The following FANCL variants were observed in gnomAD, a reference collection of about 807,000 sequenced individuals.
FANCL encodes the protein E3 ubiquitin-protein ligase FANCL.
FANCL carries 69 observed loss-of-function variants against 59.4 expected under a neutral mutation model. That is an observed-to-expected ratio of 1.16 (90% confidence interval 0.96 to 1.42). The LOEUF (loss-of-function observed/expected upper bound fraction) is 1.42, where lower values mean the gene tolerates loss of function less well. FANCL is among the 40% of genes most tolerant of loss of function. The pLI is 0.00. For synonymous variants in FANCL, 180 were observed against 147.1 expected, an observed-to-expected ratio of 1.22 and a Z score of -1.62; for missense variants, 519 against 447.2, an observed-to-expected ratio of 1.16 and a Z score of -1.45.
At position 58,238,172 on chromosome 2, in the gene FANCL, T is replaced by C. The variant is rs547725823; in HGVS notation, c.96+3046A>G. ...CATTATGGGATTTTTTGTGATTTTTTTTTAGCTTATCAGCTATCATTAGTG... is the reference window on the plus strand; with the variant it reads ...CATTATGGGATTTTTTGTGATTTTTCTTTAGCTTATCAGCTATCATTAGTG... On this transcript the variant is annotated intron_variant, in intron 1 of 13. Transcript: ENST00000233741. Among the ~76,000 whole-genome samples the C allele has an allele frequency of 7.2e-5, 11 of 152,338 alleles. No individual in the cohort carries two copies. The South Asian group carries it at 1.4e-3, about 20-fold the overall frequency.
At chr2:58,237,558 A>G (rs1332344718) in intron 1 of FANCL, among the ~76,000 whole-genome samples, 1 of 152,104 alleles carries the variant, frequency 6.6e-6, no homozygotes, top group African/African-American at 2.4e-5. Flanking sequence ...AGGAAACTTA[A>G]GATCAGAAAA....
chr2:58,218,220 C>A (rs1351651692), intron 5 of FANCL, among the ~76,000 whole-genome samples: 2 of 151,584 alleles, frequency 1.3e-5, no homozygotes, highest in Non-Finnish European at 2.9e-5. Flanking sequence ...GTAAGATAAA[C>A]TGGAAAAAAA....
chr2:58,237,866 G>C (rs1694165573), intron 1 of FANCL, among the ~76,000 whole-genome samples: 1 of 152,128 alleles, frequency 6.6e-6, no homozygotes, highest in Admixed American at 6.6e-5. Flanking sequence ...CAGAGACTAA[G>C]AGATTAAAGA....
At chr2:58,202,360 C>A (rs1690127385) in intron 6 of FANCL, among the ~76,000 whole-genome samples, 1 of 149,080 alleles carries the variant, frequency 6.7e-6, no homozygotes, top group African/African-American at 2.5e-5. Context: ...TGTCCAAATT[C>A]ACAATCTAGA....
At chr2:58,204,427 C>CAT (rs1408161387) in intron 5 of FANCL, among the ~76,000 whole-genome samples, 1 of 152,100 alleles carries the variant, frequency 6.6e-6, no homozygotes, top group Non-Finnish European at 1.5e-5. Flanking sequence ...TTAATGCAGT[C>CAT]ATATATCTCT....
chr2:58,223,558 C>T (rs758619310), intron 4 of FANCL, among the ~76,000 whole-genome samples: 1 of 151,820 alleles, frequency 6.6e-6, no homozygotes, highest in Non-Finnish European at 1.5e-5. Context: ...ACTGTAGAAC[C>T]GTAACAGCTA....
intron 6 of FANCL, among the ~76,000 whole-genome samples, chr2:58,202,387 TAAAA>T (rs202212067): frequency 1.4e-5 from 2 of 145,968 alleles, no homozygotes; most frequent in Non-Finnish European, 3.0e-5. Context: ...TTTTTTTTCC[TAAAA>T]AAAAAAATTA....
intron 7 of FANCL, among the ~76,000 whole-genome samples, chr2:58,169,806 G>C (rs1245079087): frequency 6.6e-6 from 1 of 151,914 alleles, no homozygotes; most frequent in Non-Finnish European, 1.5e-5. Context: ...GGATATCAGA[G>C]ATTTAAGATC....
At chr2:58,192,509 A>G (rs928468876) in intron 7 of FANCL, among the ~76,000 whole-genome samples, 3 of 151,958 alleles carry the variant, frequency 2.0e-5, no homozygotes, top group African/African-American at 7.2e-5. Flanking sequence ...AGGAAAATTA[A>G]TCACCGTTAA....
rs185471629 is a variant in FANCL at position 58,229,935 on chromosome 2, T to C, written c.156-61A>G. On this transcript the variant is annotated intron_variant, in intron 2 of 13. Transcript: ENST00000233741. Reference sequence around the variant, plus strand: ...GTTCAGAATTAAAAACTTATTTGTATGCTAACACAAACATGCATGTACATA... The same window carrying C: ...GTTCAGAATTAAAAACTTATTTGTACGCTAACACAAACATGCATGTACATA... 2.9e-5 allele frequency: 35 copies of C among 1,187,960 alleles called. No homozygotes were observed. In the Admixed American group the frequency reaches 5.1e-4, roughly 17 times the overall value. The allele number at this position is 1,187,960 out of a possible 1,614,324, so 73.6% of individuals were successfully genotyped here. A position where few individuals can be genotyped will look rare whatever the true frequency, so the allele number is the denominator to read the frequency against.
chr2:58,204,531 G>T (rs1483014564), intron 5 of FANCL, among the ~76,000 whole-genome samples: 1 of 152,074 alleles, frequency 6.6e-6, no homozygotes, highest in Non-Finnish European at 1.5e-5. Flanking sequence ...CACACAGCAT[G>T]TTCCTGTCAG....
At position 58,226,769 on chromosome 2, in the gene FANCL, G is replaced by A. The variant is rs1693047564; in HGVS notation, c.232C>T (p.Pro78Ser). ...TCCATCATAAAGCTCATTAGATCAG[G>A]AGAGTGCTGCATTCTCTAGATCAAA... is the stretch of plus-strand genomic sequence containing the variant. The part of the protein sequence containing the change: ...RIVQQRMQHS[P>S]DLMSFMMELK... The change falls in exon 4 of 14, where the codon CCT becomes TCT. Residue 78 changes from proline (P) to serine (S), a missense_variant. By Grantham distance (74) the Pro-to-Ser change is moderately conservative. Transcript: ENST00000233741. 2.5e-6 allele frequency: 4 copies of A among 1,613,120 alleles called. No homozygotes were observed. The highest frequency in any genetic ancestry group is 1.7e-5 in the Admixed American group (1 of 59,950).
chr2:58,180,441 C>T (rs1241899219), intron 7 of FANCL, among the ~76,000 whole-genome samples: 1 of 151,874 alleles, frequency 6.6e-6, no homozygotes, highest in Non-Finnish European at 1.5e-5. Context: ...AAGCTAGAAA[C>T]CATCATTCTC....
intron 8 of FANCL, among the ~76,000 whole-genome samples, chr2:58,164,835 A>G (rs1037528215): frequency 3.9e-5 from 6 of 152,192 alleles, no homozygotes; most frequent in Admixed American, 1.3e-4. Context: ...TGAAACCAGG[A>G]AAGTACCAAT....
At chr2:58,194,879 T>C (rs1457188432) in intron 7 of FANCL, among the ~76,000 whole-genome samples, 2 of 151,238 alleles carry the variant, frequency 1.3e-5, no homozygotes, top group African/African-American at 4.9e-5. Flanking sequence ...ATAAGGAAAA[T>C]TACCCATTTT....
chr2:58,231,746 T>C (rs546070581), intron 2 of FANCL, among the ~76,000 whole-genome samples: 1 of 152,210 alleles, frequency 6.6e-6, no homozygotes, highest in East Asian at 1.9e-4. Context: ...GAAAAAAAGT[T>C]TTCTAATCCT....
At chr2:58,206,218 G>A (rs1321805162) in intron 5 of FANCL, among the ~76,000 whole-genome samples, 2 of 151,642 alleles carry the variant, frequency 1.3e-5, no homozygotes, top group Non-Finnish European at 2.9e-5. Context: ...TAAAGCTAAT[G>A]GAAAAATAAA....
At chr2:58,196,509 G>C (rs1689436789) in intron 7 of FANCL, among the ~76,000 whole-genome samples, 1 of 151,718 alleles carries the variant, frequency 6.6e-6, no homozygotes, top group Non-Finnish European at 1.5e-5. Flanking sequence ...AAACTTGTAT[G>C]ACCCAATTAA....
chr2:58,203,509 A>C, intron 6 of FANCL, among the ~76,000 whole-genome samples: 1 of 152,096 alleles, frequency 6.6e-6, no homozygotes, highest in East Asian at 1.9e-4. Context: ...TATTTTACTT[A>C]TTTGTCCAAA....
Sources: allele counts gnomAD v4.1 joint callset (sites outside exome capture counted in the v4.1 genomes callset), GRCh38; gene constraint gnomAD v4.1.1; transcripts MANE v1.5; gene names NCBI Gene and HGNC (gene_info 2026-07-23, HGNC 2026-07-21).